The following APP variants were observed in gnomAD, a reference collection of about 807,000 sequenced individuals.
APP encodes the protein amyloid-beta precursor protein.
In APP, 31 loss-of-function variants were observed where a neutral mutation model predicts 101.4. That is an observed-to-expected ratio of 0.31 (90% CI 0.23 to 0.41). The LOEUF (loss-of-function observed/expected upper bound fraction) is 0.41, where lower values mean the gene tolerates loss of function less well. Among genes scored for constraint, APP ranks in the 10% least tolerant of loss-of-function variants. The probability of loss-of-function intolerance (pLI) is 1.00; values close to 1 mark genes in which losing one functional copy is unlikely to be tolerated. For synonymous variants in APP, 366 were observed against 364.4 expected, an observed-to-expected ratio of 1.00 and a Z score of -0.05; for missense variants, 839 against 1,003.7, an observed-to-expected ratio of 0.84 and a Z score of 2.22.
rs1257634077 is a variant in APP, at chr21:25,891,781, T to C, written c.2152A>G (p.Ile718Val). ...TTCTTCTTCAGCATCACCAAGGTGA[T>C]GACGATCACTGTCGCTATGACAACA... ...GGVVIATVIVITLVMLKKKQY... is the reference protein window; with the variant it reads ...GGVVIATVIVVTLVMLKKKQY... The change falls in exon 17 of 18, where the codon ATC (isoleucine) becomes GTC (valine). Residue 718 changes from isoleucine (I) to valine (V), a missense_variant. Physicochemically the swap from Ile to Val is conservative, Grantham distance 29. Coordinates refer to ENST00000346798, the MANE Select transcript of APP (RefSeq NM_000484.4). 1 of 1,614,196 alleles carries C rather than the reference T, an allele frequency of 6.2e-7. No individual in the cohort carries two copies. Among genetic ancestry groups the C allele is most frequent in the South Asian group, 1.1e-5 (1 of 91,088 alleles).
chr21:26,012,103 G>A (rs1367316082), intron 6 of APP, among the ~76,000 whole-genome samples: 2 of 148,212 alleles, frequency 1.3e-5, no homozygotes, highest in African/African-American at 4.9e-5. Flanking sequence ...CCTCACCTGG[G>A]CTCCAGCGAC....
chr21:25,990,393 A>C (rs940318937), intron 8 of APP, among the ~76,000 whole-genome samples: 1 of 152,204 alleles, frequency 6.6e-6, no homozygotes. Flanking sequence ...CATCACACTA[A>C]AACTTAAAAG....
chr21:26,159,654 C>A (rs1212992316), intron 1 of APP, among the ~76,000 whole-genome samples: 1 of 152,196 alleles, frequency 6.6e-6, no homozygotes, highest in African/African-American at 2.4e-5. Context: ...AATAACTTCG[C>A]ATGTGATAAT....
Position 25,901,378 on chromosome 21 carries a change from T to C in APP, c.1963+3646A>G, listed in dbSNP as rs938137336. ...GCCCACACTACTTTTGAAATGATAC[T>C]GTGAATACTTTTGGTGGTCCAAAAA... On this transcript the variant is annotated intron_variant, in intron 15 of 17. Coordinates refer to ENST00000346798, the MANE Select transcript of APP (RefSeq NM_000484.4). 3.0e-5 allele frequency among the ~76,000 whole-genome samples: 4 copies of C among 132,802 alleles called. No homozygotes were observed. In the Admixed American group the frequency reaches 3.3e-4, roughly 11 times the overall value. The allele number at this position is 132,802 out of a possible 152,430, so 87.1% of individuals were successfully genotyped here. A position where few individuals can be genotyped will look rare whatever the true frequency, so the allele number is the denominator to read the frequency against.
rs190961515 is a variant in APP at position 26,022,398 on chromosome 21, C to T, written c.663-356G>A. 8.6e-5 allele frequency among the ~76,000 whole-genome samples: 13 copies of T among 151,990 alleles called. No homozygotes were observed. The East Asian group carries it at 1.7e-3, about 20-fold the overall frequency. On this transcript the variant is annotated intron_variant, in intron 5 of 17. Coordinates refer to ENST00000346798, the MANE Select transcript of APP (RefSeq NM_000484.4). The stretch of plus-strand genomic sequence containing the variant: ...GAGGATTTTTAGAAACTACTCTGCA[C>T]GATACTGTCATAAGTAATAATAGAT...
chr21:25,982,513 A>G (rs1258737621), intron 8 of APP, 36 bp from the exon 9 acceptor site: 1 of 1,608,882 alleles, frequency 6.2e-7, no homozygotes, highest in Non-Finnish European at 8.5e-7. Context: ...TGAGAAAAAA[A>G]AGCCAACAAC....
chr21:25,905,000 G>T (rs1283751882), intron 15 of APP, 24 bp downstream of exon 15: 2 of 1,611,176 alleles, frequency 1.2e-6, no homozygotes, highest in Middle Eastern at 1.7e-4. Flanking sequence ...ATGCGGAGAG[G>T]CACAAGTCAA....
chr21:26,058,232 CTGT>C (rs2046119807), intron 3 of APP, among the ~76,000 whole-genome samples: 1 of 152,182 alleles, frequency 6.6e-6, no homozygotes, highest in Non-Finnish European at 1.5e-5. Flanking sequence ...GAAAGGTTTT[CTGT>C]TGTTGTTTTT....
chr21:26,125,260 G>C (rs1262791763), intron 1 of APP, among the ~76,000 whole-genome samples: 1 of 152,060 alleles, frequency 6.6e-6, no homozygotes, highest in Non-Finnish European at 1.5e-5. Context: ...AGGATGCGGG[G>C]GCCCCAGGAC....
chr21:26,080,447 G>A (rs915093472), intron 3 of APP, among the ~76,000 whole-genome samples: 2 of 151,502 alleles, frequency 1.3e-5, no homozygotes, highest in African/African-American at 4.9e-5. Flanking sequence ...TTTTTTACAT[G>A]ACTGAATTAA....
At chr21:25,912,104 C>T in intron 13 of APP, 142 bp from the exon 14 acceptor site, 1 of 721,878 alleles carries the variant, frequency 1.4e-6, no homozygotes, top group Non-Finnish European at 2.5e-6. Context: ...ACATAGGTAC[C>T]ATTATCATCT....
At chr21:25,920,542 G>A (rs1005048334) in intron 13 of APP, among the ~76,000 whole-genome samples, 7 of 151,726 alleles carry the variant, frequency 4.6e-5, no homozygotes, top group African/African-American at 1.2e-4. Context: ...GATCTACCAA[G>A]CAAATGGAAA....
At chr21:26,057,088 C>T (rs1321473264) in intron 3 of APP, among the ~76,000 whole-genome samples, 1 of 152,186 alleles carries the variant, frequency 6.6e-6, no homozygotes, top group African/African-American at 2.4e-5. Context: ...GTACTTTCTA[C>T]TCAAACTTGC....
At chr21:26,166,886 G>T (rs1008923512) in intron 1 of APP, among the ~76,000 whole-genome samples, 2 of 94,154 alleles carry the variant, frequency 2.1e-5, no homozygotes, top group Admixed American at 1.2e-4. Flanking sequence ...GAGAGAGAGA[G>T]AGAGAGAGAG....
chr21:25,895,817 G>A (rs1286662197), intron 16 of APP, among the ~76,000 whole-genome samples: 1 of 152,194 alleles, frequency 6.6e-6, no homozygotes, highest in Non-Finnish European at 1.5e-5. Flanking sequence ...ATACTAGTGT[G>A]AGGTAATCAG....
rs531984520 is a variant in APP, at chr21:25,893,997, G to C, written c.2065-2129C>G. 3.0e-4 allele frequency among the ~76,000 whole-genome samples: 46 copies of C among 152,280 alleles called. 1 individual carries two copies. The East Asian group carries it at 8.9e-3, about 29-fold the overall frequency. The stretch of plus-strand genomic sequence containing the variant: ...GTTTTTGAAGCCAAGACTGACCATT[G>C]TAAAAGTCCTAGGGCGCTTAAGAAT... On this transcript the variant is annotated intron_variant, in intron 16 of 17. Transcript: ENST00000346798.
At chr21:25,895,411 G>A (rs965213539) in intron 16 of APP, among the ~76,000 whole-genome samples, 10 of 152,122 alleles carry the variant, frequency 6.6e-5, no homozygotes, top group Non-Finnish European at 1.3e-4. Flanking sequence ...TGATCCACCT[G>A]CCTTGGCCTC....
intron 7 of APP, among the ~76,000 whole-genome samples, 169 bp from the exon 8 acceptor site, chr21:25,997,585 T>G (rs1325519689): frequency 2.0e-5 from 3 of 152,192 alleles, no homozygotes; most frequent in African/African-American, 7.2e-5. Context: ...AAGATCTATT[T>G]TCGTAAGAAG....
chr21:26,065,280 T>C (rs753542333), intron 3 of APP, among the ~76,000 whole-genome samples: 33 of 152,166 alleles, frequency 2.2e-4, no homozygotes, highest in Non-Finnish European at 3.8e-4. Context: ...GCATACCTAT[T>C]TGATTCCACA....
Sources: allele counts gnomAD v4.1 joint callset (sites outside exome capture counted in the v4.1 genomes callset), GRCh38; gene constraint gnomAD v4.1.1; transcripts MANE v1.5; gene names NCBI Gene and HGNC (gene_info 2026-07-23, HGNC 2026-07-21).